RARB: variants seen among roughly 807,000 people sequenced by gnomAD.
RARB encodes the protein retinoic acid receptor beta.
RARB carries 17 observed loss-of-function variants against 51.9 expected under a neutral mutation model. The ratio of observed to expected loss-of-function variants is 0.33; its 90% confidence interval spans 0.22 to 0.49. RARB has a LOEUF of 0.49. Among genes scored for constraint, RARB ranks in the 20% least tolerant of loss-of-function variants. The pLI is 0.99. For synonymous variants in RARB, 215 were observed against 195.4 expected, an observed-to-expected ratio of 1.10 and a Z score of -0.84; for missense variants, 369 against 550.8, an observed-to-expected ratio of 0.67 and a Z score of 3.30.
intron 5 of RARB, among the ~76,000 whole-genome samples, chr3:25,294,817 T>G (rs1278801420): frequency 6.6e-6 from 1 of 151,372 alleles, no homozygotes; most frequent in African/African-American, 2.4e-5. Flanking sequence ...GAAGAGGGAG[T>G]GGAGGGGGGA....
intron 3 of RARB, among the ~76,000 whole-genome samples, chr3:25,064,095 A>G (rs1698609631): frequency 1.3e-5 from 2 of 152,138 alleles, no homozygotes; most frequent in African/African-American, 4.8e-5. Context: ...TATTGTAAAA[A>G]TGCCAAAGCT....
At chr3:25,595,747 T>G (rs1173479507) in intron 7 of RARB, among the ~76,000 whole-genome samples, 1 of 152,180 alleles carries the variant, frequency 6.6e-6, no homozygotes, top group Non-Finnish European at 1.5e-5. Flanking sequence ...AAATTTAAAT[T>G]TAGCTACCTA....
intron 5 of RARB, among the ~76,000 whole-genome samples, chr3:25,187,045 A>T (rs1700995783): frequency 6.6e-6 from 1 of 151,868 alleles, no homozygotes; most frequent in African/African-American, 2.4e-5. Flanking sequence ...TCTCAAAACC[A>T]GTTTGCTTAG....
At chr3:24,891,168 T>C (rs952059018) in intron 2 of RARB, among the ~76,000 whole-genome samples, 3 of 152,182 alleles carry the variant, frequency 2.0e-5, no homozygotes, top group African/African-American at 7.2e-5. Flanking sequence ...TAAATTTTAG[T>C]TTTTGATAAT....
intron 2 of RARB, among the ~76,000 whole-genome samples, chr3:24,927,865 A>G (rs1438550863): frequency 6.6e-6 from 1 of 152,082 alleles, no homozygotes; most frequent in Non-Finnish European, 1.5e-5. Flanking sequence ...CCAGCTTGGC[A>G]GAGAATAAGA....
intron 3 of RARB, among the ~76,000 whole-genome samples, chr3:25,552,728 G>A (rs899171401): frequency 4.9e-4 from 61 of 124,252 alleles, no homozygotes; most frequent in African/African-American, 2.2e-3. Context: ...TAAAGGTAAT[G>A]AAAGAAAGAA....
intron 3 of RARB, among the ~76,000 whole-genome samples, chr3:25,563,537 A>C (rs1201246099): frequency 6.6e-6 from 1 of 152,156 alleles, no homozygotes; most frequent in Non-Finnish European, 1.5e-5. Flanking sequence ...AACTCTCCCC[A>C]GTTTACAGTG....
At chr3:25,317,338 C>G (rs1193032442) in intron 5 of RARB, among the ~76,000 whole-genome samples, 2 of 151,962 alleles carry the variant, frequency 1.3e-5, no homozygotes, top group Non-Finnish European at 2.9e-5. Context: ...TAAGGACATA[C>G]AAATGGGAAA....
intron 2 of RARB, among the ~76,000 whole-genome samples, chr3:24,996,087 C>A (rs1020174768): frequency 5.9e-5 from 9 of 152,082 alleles, no homozygotes; most frequent in African/African-American, 2.2e-4. Context: ...GCCATTGGTT[C>A]TGGACTTTTC....
intron 2 of RARB, among the ~76,000 whole-genome samples, chr3:24,886,477 C>T (rs1703268813): frequency 6.7e-6 from 1 of 148,436 alleles, no homozygotes; most frequent in African/African-American, 2.5e-5. Flanking sequence ...CAGGATCTTG[C>T]TCTATCACCT....
intron 2 of RARB, among the ~76,000 whole-genome samples, chr3:24,984,499 T>C (rs920076397): frequency 2.0e-5 from 3 of 152,198 alleles, no homozygotes; most frequent in Non-Finnish European, 4.4e-5. Context: ...TTTTTATTCT[T>C]TAAATTATTT....
intron 5 of RARB, among the ~76,000 whole-genome samples, chr3:25,347,285 C>T (rs1188195637): frequency 6.6e-6 from 1 of 152,086 alleles, no homozygotes; most frequent in African/African-American, 2.4e-5. Context: ...AATGCAAATT[C>T]AGTAACGTAA....
At chr3:25,386,522 A>C (rs147138707) in intron 5 of RARB, among the ~76,000 whole-genome samples, 1 of 152,120 alleles carries the variant, frequency 6.6e-6, no homozygotes, top group Non-Finnish European at 1.5e-5. Context: ...TCACAAAACT[A>C]CTCGAGAGGT....
At chr3:25,170,580 T>A (rs1368807719) in intron 4 of RARB, among the ~76,000 whole-genome samples, 1 of 152,254 alleles carries the variant, frequency 6.6e-6, no homozygotes, top group Non-Finnish European at 1.5e-5. Flanking sequence ...GTAAGTATTA[T>A]GTTTATAAAA....
At chr3:25,199,207 C>T (rs1337693246) in intron 5 of RARB, among the ~76,000 whole-genome samples, 1 of 151,954 alleles carries the variant, frequency 6.6e-6, no homozygotes, top group Non-Finnish European at 1.5e-5. Flanking sequence ...GAAAGATAAA[C>T]ATCACATGGT....
At chr3:25,153,235 G>A (rs572464199) in intron 4 of RARB, among the ~76,000 whole-genome samples, 85 of 152,052 alleles carry the variant, frequency 5.6e-4, no homozygotes, top group African/African-American at 2.0e-3. Flanking sequence ...CATGTGTATA[G>A]CAATTACACA....
At chr3:25,064,589 A>G (rs184609896) in intron 3 of RARB, among the ~76,000 whole-genome samples, 5 of 152,304 alleles carry the variant, frequency 3.3e-5, no homozygotes, top group Non-Finnish European at 5.9e-5. Flanking sequence ...AAAGGGGTCA[A>G]CTTCACCCAG....
At chr3:25,294,547 C>T (rs1703871483) in intron 5 of RARB, among the ~76,000 whole-genome samples, 1 of 152,152 alleles carries the variant, frequency 6.6e-6, no homozygotes, top group Non-Finnish European at 1.5e-5. Flanking sequence ...TACCCCTCTC[C>T]CAACCCAGGC....
At chr3:25,010,490 C>T (rs577121580) in intron 2 of RARB, among the ~76,000 whole-genome samples, 1 of 152,180 alleles carries the variant, frequency 6.6e-6, no homozygotes, top group South Asian at 2.1e-4. Context: ...ATAATATTTA[C>T]ACCAGCTTAA....
Sources: allele counts gnomAD v4.1 joint callset (sites outside exome capture counted in the v4.1 genomes callset), GRCh38; gene constraint gnomAD v4.1.1; transcripts MANE v1.5; gene names NCBI Gene and HGNC (gene_info 2026-07-23, HGNC 2026-07-21).